MAPT: variants seen among roughly 807,000 people sequenced by gnomAD.
MAPT encodes microtubule associated protein tau.
In MAPT, 34 loss-of-function variants were observed where a neutral mutation model predicts 67.9. The ratio of observed to expected loss-of-function variants is 0.50; its 90% CI spans 0.38 to 0.67. MAPT has a LOEUF of 0.67. Among genes scored for constraint, MAPT ranks in the 30% least tolerant of loss-of-function variants. The pLI, the probability that MAPT is intolerant of heterozygous loss-of-function variation, is 0.00. For missense variants in MAPT, 881 were observed against 1,115.2 expected (o/e 0.79, Z 2.99); for synonymous variants, 456 against 464.5 (o/e 0.98, Z 0.23).
chr17:45,921,487 G>T (rs1047944012), intron 1 of MAPT, among the ~76,000 whole-genome samples: 2 of 152,116 alleles, frequency 1.3e-5, no homozygotes, highest in African/African-American at 4.8e-5. Flanking sequence ...AGACACACAG[G>T]GCCTGGCCTC....
At chr17:45,941,701 G>GCCTTCCTTCCTTCCTGCCTTCCTT (rs1555690435) in intron 1 of MAPT, among the ~76,000 whole-genome samples, 2 of 73,466 alleles carry the variant, frequency 2.7e-5, no homozygotes, top group Non-Finnish European at 4.9e-5. Flanking sequence ...CTTCCTTCCT[G>GCCTTCCTTCCTTCCTGCCTTCCTT]CCTGCCTTCC....
intron 8 of MAPT, among the ~76,000 whole-genome samples, chr17:45,992,585 G>C (rs1210971611): frequency 2.0e-5 from 3 of 152,148 alleles, no homozygotes; most frequent in African/African-American, 7.2e-5. Flanking sequence ...TTGCAGCCAG[G>C]AGTGCTATTA....
chr17:46,006,779 C>T (rs111692203), intron 9 of MAPT, among the ~76,000 whole-genome samples: 63 of 151,870 alleles, frequency 4.1e-4, no homozygotes, highest in African/African-American at 1.4e-3. Context: ...AAAAATTAGC[C>T]GGGCATGGTG....
chr17:45,992,745 G>C (rs62063842), intron 8 of MAPT, among the ~76,000 whole-genome samples: 22,040 of 152,108 alleles, frequency 0.14, 2,140 homozygotes, highest in Non-Finnish European at 0.22. Flanking sequence ...AAAATAATTA[G>C]CTGGGCGTGG....
chr17:45,923,101 C>T (rs2065914037), intron 1 of MAPT, among the ~76,000 whole-genome samples: 1 of 152,160 alleles, frequency 6.6e-6, no homozygotes, highest in African/African-American at 2.4e-5. Flanking sequence ...AATATCTTCC[C>T]CTTTGAGGAA....
At chr17:46,007,037 G>C (rs56087321) in intron 9 of MAPT, among the ~76,000 whole-genome samples, 53,044 of 151,046 alleles carry the variant, frequency 0.35, 9,763 homozygotes, top group South Asian at 0.58. Context: ...AATGATAAAT[G>C]CTTGAGGTGA....
At chr17:46,022,897 T>TGATAGATA (rs35156373) in intron 12 of MAPT, among the ~76,000 whole-genome samples, 2 of 152,074 alleles carry the variant, frequency 1.3e-5, no homozygotes, top group African/African-American at 2.4e-5. Flanking sequence ...GGTAGATGAT[T>TGATAGATA]GATAGATAGA....
chr17:45,978,859 CG>C, intron 4 of MAPT: 1 of 165,512 alleles, frequency 6.0e-6, no homozygotes. Flanking sequence ...AAAAATTAGC[CG>C]GGTGTGGTGG....
chr17:45,994,445 C>G lies in MAPT; in HGVS notation c.1733-1954C>G, dbSNP rs190355150. On this transcript the variant is annotated intron_variant, in intron 8 of 12. Coordinates refer to ENST00000262410, the MANE Select transcript of MAPT (RefSeq NM_001377265.1). ...AGCCTGGAGGCCCTGGAGGCCGAGG[C>G]CCCATCTGTTGTTTCCTTATGTGGA... is the stretch of plus-strand genomic sequence containing the variant. Among the ~76,000 whole-genome samples, 1,139 of 152,264 alleles carry G rather than the reference C, an allele frequency of 7.5e-3. 18 individuals carry two copies. Among genetic ancestry groups the G allele is most frequent in the South Asian group, 8.1e-3 (39 of 4,822 alleles).
At chr17:45,991,371 C>A (rs2074039547) in intron 7 of MAPT, 89 bp from the exon 8 acceptor site, 1 of 1,553,526 alleles carries the variant, frequency 6.4e-7, no homozygotes, top group South Asian at 1.1e-5. Flanking sequence ...CGTTTTGAGT[C>A]AAGGTGGCGG....
chr17:45,991,128 G>A (rs2074026162), intron 7 of MAPT, among the ~76,000 whole-genome samples: 1 of 152,214 alleles, frequency 6.6e-6, no homozygotes, highest in Admixed American at 6.5e-5. Context: ...GTGCACTAAT[G>A]TCCTGCCGAT....
chr17:45,946,615 A>AATATATAT (rs1177094945), intron 1 of MAPT, among the ~76,000 whole-genome samples: 11 of 100,402 alleles, frequency 1.1e-4, no homozygotes, highest in African/African-American at 4.8e-4. Context: ...AAAAAAAAAA[A>AATATATAT]ATATATATAT....
intron 4 of MAPT, chr17:45,979,968 T>C (rs1186517663): frequency 6.6e-6 from 1 of 152,178 alleles, no homozygotes; most frequent in Non-Finnish European, 1.5e-5. Flanking sequence ...AAAAAGGTGT[T>C]TCAGGTTGGA....
Position 46,018,683 on chromosome 17 carries a change from G to A in MAPT, c.2239G>A (p.Gly747Arg). The A allele has an allele frequency of 6.2e-7, 1 of 1,614,194 alleles. No individual in the cohort carries two copies. The highest frequency in any genetic ancestry group is 8.5e-7 in the Non-Finnish European group (1 of 1,180,028). ...DFKDRVQSKI[G>R]SLDNITHVPG... Reference sequence around the variant, plus strand: ...CAAGGACAGAGTCCAGTCGAAGATTGGGTCCCTGGACAATATCACCCACGT... The same window carrying A: ...CAAGGACAGAGTCCAGTCGAAGATTAGGTCCCTGGACAATATCACCCACGT... The change falls in exon 12 of 13, where the codon GGG (glycine) becomes AGG (arginine). Residue 747 changes from glycine to arginine, a missense_variant. Physicochemically the swap from Gly to Arg is moderately radical, Grantham distance 125. Coordinates refer to ENST00000262410, the MANE Select transcript of MAPT (RefSeq NM_001377265.1).
At chr17:45,969,427 C>T (rs1341659898) in intron 2 of MAPT, 3 of 152,088 alleles carry the variant, frequency 2.0e-5, no homozygotes, top group Non-Finnish European at 4.4e-5. Flanking sequence ...ATCCAGTCAT[C>T]TATACACCAC....
intron 1 of MAPT, among the ~76,000 whole-genome samples, chr17:45,917,536 G>T (rs1459712411): frequency 6.6e-6 from 1 of 152,174 alleles, no homozygotes; most frequent in Non-Finnish European, 1.5e-5. Context: ...CCTGGAGGGG[G>T]CATGGGCATT....
Position 46,018,746 on chromosome 17 carries a change from T to G in MAPT, c.2286+16T>G. 1.3e-6 allele frequency: 2 copies of G among 1,559,120 alleles called. No individual in the cohort carries two copies. The highest frequency in any genetic ancestry group is 8.8e-7 in the Non-Finnish European group (1 of 1,129,964). On this transcript the variant is annotated intron_variant, in intron 12 of 12. Coordinates refer to ENST00000262410, the MANE Select transcript of MAPT (RefSeq NM_001377265.1). ...AAATAAAAAGGTAAAGGGGGTAGGG[T>G]GGGTTGGATGCTGCCCTTGGGTATA...
chr17:45,909,700 G>C (rs150435303), intron 1 of MAPT, among the ~76,000 whole-genome samples: 89 of 152,054 alleles, frequency 5.9e-4, no homozygotes, highest in Middle Eastern at 3.2e-3. Flanking sequence ...GTGAAACCCC[G>C]TGTCTACTAA....
At chr17:45,946,596 CTTAAAAAAAAAAAAAAAAAA>C (rs1223045578) in intron 1 of MAPT, among the ~76,000 whole-genome samples, 4 of 38,020 alleles carry the variant, frequency 1.1e-4, no homozygotes, top group African/African-American at 5.4e-4. Context: ...GGGACTCTGT[CTTAAAAAAAAAAAAAAAAAA>C]TATATATATA....
Sources: allele counts gnomAD v4.1 joint callset (sites outside exome capture counted in the v4.1 genomes callset), GRCh38; gene constraint gnomAD v4.1.1; transcripts MANE v1.5; gene names NCBI Gene and HGNC (gene_info 2026-07-23, HGNC 2026-07-21).